ZCCHC7: variants seen among roughly 807,000 people sequenced by gnomAD.
ZCCHC7 encodes the protein zinc finger CCHC domain-containing protein 7.
ZCCHC7 carries 35 observed loss-of-function variants against 52.0 expected under a neutral mutation model. The ratio of observed to expected loss-of-function variants is 0.67; its 90% CI spans 0.51 to 0.89. ZCCHC7 has a LOEUF of 0.89. ZCCHC7 is among the 40% of genes least tolerant of loss of function. The probability of loss-of-function intolerance (pLI) is 0.00; values close to 1 mark genes in which losing one functional copy is unlikely to be tolerated. For missense variants in ZCCHC7, 574 were observed against 649.1 expected (o/e 0.88, Z 1.26); for synonymous variants, 217 against 221.5 (o/e 0.98, Z 0.18).
At chr9:37,197,183 C>G (rs764627193) in intron 2 of ZCCHC7, among the ~76,000 whole-genome samples, 1 of 152,056 alleles carries the variant, frequency 6.6e-6, no homozygotes, top group African/African-American at 2.4e-5. Flanking sequence ...GACTTCCCCC[C>G]ACCCCCAGCC....
intron 6 of ZCCHC7, among the ~76,000 whole-genome samples, chr9:37,337,944 G>A (rs1466413995): frequency 1.3e-5 from 2 of 152,130 alleles, no homozygotes; most frequent in East Asian, 1.9e-4. Context: ...AGCTACATTG[G>A]AAATATTTAA....
rs530846787 is a variant in ZCCHC7, at chr9:37,349,933, G to A, written c.1083+481G>A. ...CTCCCAAGTAGCTGGGATTACAGGCGCCTGCCACCACACCCAGCTAATTTT... is the reference window on the plus strand; with the variant it reads ...CTCCCAAGTAGCTGGGATTACAGGCACCTGCCACCACACCCAGCTAATTTT... On this transcript the variant is annotated intron_variant, in intron 7 of 8. Transcript: ENST00000336755. Among the ~76,000 whole-genome samples, 142 of 151,724 alleles carry A rather than the reference G, an allele frequency of 9.4e-4. 1 individual carries two copies. Among genetic ancestry groups the A allele is most frequent in the Non-Finnish European group, 1.9e-3 (128 of 67,946 alleles).
At chr9:37,302,449 C>T (rs1829078447) in intron 3 of ZCCHC7, among the ~76,000 whole-genome samples, 1 of 152,154 alleles carries the variant, frequency 6.6e-6, no homozygotes, top group African/African-American at 2.4e-5. Context: ...CTTTCTGTTT[C>T]TCTCCTGCGG....
At chr9:37,245,876 A>G (rs1235627069) in intron 2 of ZCCHC7, among the ~76,000 whole-genome samples, 1 of 152,060 alleles carries the variant, frequency 6.6e-6, no homozygotes, top group Non-Finnish European at 1.5e-5. Flanking sequence ...ATTTATGTAT[A>G]ATTTGGTGTG....
chr9:37,259,080 A>T (rs2133435984), intron 2 of ZCCHC7, among the ~76,000 whole-genome samples: 2 of 152,172 alleles, frequency 1.3e-5, no homozygotes, highest in East Asian at 3.9e-4. Flanking sequence ...AAAACAAAAC[A>T]AAAAAAACTT....
At chr9:37,261,926 G>C (rs1410320647) in intron 2 of ZCCHC7, among the ~76,000 whole-genome samples, 1 of 152,080 alleles carries the variant, frequency 6.6e-6, no homozygotes. Flanking sequence ...CTTAGTAAAT[G>C]AGAACTATGA....
chr9:37,204,202 A>G (rs1404781209), intron 2 of ZCCHC7, among the ~76,000 whole-genome samples: 1 of 152,156 alleles, frequency 6.6e-6, no homozygotes, highest in East Asian at 1.9e-4. Context: ...AATTCTGGAT[A>G]TTAGACCTTT....
At chr9:37,138,449 A>G (rs1011131948) in intron 2 of ZCCHC7, among the ~76,000 whole-genome samples, 1 of 152,148 alleles carries the variant, frequency 6.6e-6, no homozygotes. Flanking sequence ...GCAGTCTTCC[A>G]AAGTTAATTT....
chr9:37,245,864 A>T (rs1826060565), intron 2 of ZCCHC7, among the ~76,000 whole-genome samples: 1 of 152,040 alleles, frequency 6.6e-6, no homozygotes, highest in African/African-American at 2.4e-5. Context: ...ATTGCTTAAG[A>T]GATTTATGTA....
At chr9:37,215,987 A>G (rs758582226) in intron 2 of ZCCHC7, among the ~76,000 whole-genome samples, 13 of 152,206 alleles carry the variant, frequency 8.5e-5, no homozygotes, top group Non-Finnish European at 1.9e-4. Context: ...GAATTGTTCA[A>G]TAAATCATTA....
In ZCCHC7 at chr9:37,153,632, T is replaced by C. The variant is rs145882134; in HGVS notation, c.610+26690T>C. ...CTGGCCTTTCTTTCTTTCTTTCTTTTTTTTTTAAACATCAGATAGTGGAGC... is the reference window on the plus strand; with the variant it reads ...CTGGCCTTTCTTTCTTTCTTTCTTTCTTTTTTAAACATCAGATAGTGGAGC... On this transcript the variant is annotated intron_variant, in intron 2 of 8. Coordinates refer to ENST00000336755, the MANE Select transcript of ZCCHC7 (RefSeq NM_032226.3). 6.4e-3 allele frequency among the ~76,000 whole-genome samples: 971 copies of C among 152,060 alleles called. 9 individuals carry two copies. The highest frequency in any genetic ancestry group is 0.031 in the Middle Eastern group (9 of 294).
chr9:37,209,741 T>G (rs1278039358), intron 2 of ZCCHC7, among the ~76,000 whole-genome samples: 3 of 152,194 alleles, frequency 2.0e-5, no homozygotes, highest in Non-Finnish European at 4.4e-5. Flanking sequence ...GGGAAATCAG[T>G]GGGCATATAG....
chr9:37,186,553 AG>A (rs1448792769), intron 2 of ZCCHC7, among the ~76,000 whole-genome samples: 4 of 152,218 alleles, frequency 2.6e-5, no homozygotes, highest in African/African-American at 4.8e-5. Flanking sequence ...TTTAATCTTT[AG>A]GGTGTTACAA....
At chr9:37,303,641 A>G (rs1406832102) in intron 3 of ZCCHC7, among the ~76,000 whole-genome samples, 1 of 104,078 alleles carries the variant, frequency 9.6e-6, no homozygotes, top group African/African-American at 3.9e-5. Context: ...ACCTCCTTTT[A>G]TGTTTTTCTA....
At chr9:37,321,516 G>A (rs1392211409) in intron 5 of ZCCHC7, among the ~76,000 whole-genome samples, 2 of 152,270 alleles carry the variant, frequency 1.3e-5, no homozygotes, top group East Asian at 3.9e-4. Flanking sequence ...TATAATTTCA[G>A]CCTTTGGGAG....
intron 6 of ZCCHC7, among the ~76,000 whole-genome samples, chr9:37,348,347 G>GTTCGTTCGTTCTTTCT (rs370166957): frequency 2.2e-5 from 3 of 135,592 alleles, no homozygotes; most frequent in Admixed American, 7.3e-5. Flanking sequence ...ATACCAGTTC[G>GTTCGTTCGTTCTTTCT]TTCTTTCTTT....
Position 37,126,319 on chromosome 9 carries a change from G to T in ZCCHC7, c.-14G>T. 4 of 1,603,406 alleles carry T rather than the reference G, an allele frequency of 2.5e-6. No homozygotes were observed. Among genetic ancestry groups the T allele is most frequent in the Non-Finnish European group, 3.4e-6 (4 of 1,175,060 alleles). On this transcript the variant is annotated 5_prime_UTR_variant, in exon 2 of 9. Transcript: ENST00000336755. ...CAACTTTCTCTTTTGCAGCTTCAAG[G>T]TTACTGACTTTTTATGATGTTTGGT...
intron 2 of ZCCHC7, among the ~76,000 whole-genome samples, chr9:37,216,668 C>G (rs1008001279): frequency 6.6e-6 from 1 of 152,094 alleles, no homozygotes; most frequent in African/African-American, 2.4e-5. Context: ...GAGAGAGACT[C>G]TGTCTCAAAA....
intron 5 of ZCCHC7, chr9:37,327,401 C>G (rs187798332): frequency 6.0e-6 from 1 of 165,568 alleles, no homozygotes; most frequent in African/African-American, 2.4e-5. Flanking sequence ...AAAGCAGTTA[C>G]TATTAAATTG....
Sources: gnomAD v4.1 joint callset for allele counts (sites outside exome capture counted in the v4.1 genomes callset) on GRCh38, gnomAD v4.1.1 for gene constraint, MANE v1.5 for transcripts, NCBI Gene and HGNC (gene_info 2026-07-23, HGNC 2026-07-21) for gene names.